PRKCA: variants seen among roughly 807,000 people sequenced by gnomAD.
The protein encoded by PRKCA is protein kinase C alpha.
Under a neutral mutation model 87.0 loss-of-function variants are expected in PRKCA, and 27 were observed. That is an observed-to-expected ratio of 0.31 (90% CI 0.23 to 0.43). PRKCA has a LOEUF of 0.43. PRKCA is among the 20% of genes least tolerant of loss of function. The probability of loss-of-function intolerance (pLI) is 1.00; values close to 1 mark genes in which losing one functional copy is unlikely to be tolerated. For synonymous variants in PRKCA, 329 were observed against 311.1 expected (o/e 1.06, Z -0.61); for missense variants, 518 against 852.3 (o/e 0.61, Z 4.88).
chr17:66,571,959 G>A (rs1171529990), intron 3 of PRKCA, among the ~76,000 whole-genome samples: 1 of 152,184 alleles, frequency 6.6e-6, no homozygotes, highest in Non-Finnish European at 1.5e-5. Context: ...ATTCCATCCA[G>A]TGTGCCACTC....
chr17:66,757,567 G>A (rs938706528), intron 13 of PRKCA, among the ~76,000 whole-genome samples: 2 of 120,822 alleles, frequency 1.7e-5, no homozygotes, highest in Admixed American at 8.5e-5. Context: ...TAAAGCTTTG[G>A]GAGGAAAAAA....
chr17:66,624,376 T>C (rs991357070), intron 3 of PRKCA, among the ~76,000 whole-genome samples: 1 of 152,156 alleles, frequency 6.6e-6, no homozygotes, highest in African/African-American at 2.4e-5. Context: ...TCTACTATTG[T>C]AGTACTTTGG....
chr17:66,733,381 G>T (rs1973952084), intron 9 of PRKCA, among the ~76,000 whole-genome samples: 1 of 152,206 alleles, frequency 6.6e-6, no homozygotes, highest in Non-Finnish European at 1.5e-5. Context: ...ATATTCAACA[G>T]GTTTGGGGGG....
intron 3 of PRKCA, among the ~76,000 whole-genome samples, chr17:66,605,107 C>G (rs1970169514): frequency 6.6e-6 from 1 of 152,146 alleles, no homozygotes; most frequent in African/African-American, 2.4e-5. Context: ...GTTTCATGTA[C>G]ACACGTGTGT....
At chr17:66,625,479 T>C (rs1337604057) in intron 3 of PRKCA, among the ~76,000 whole-genome samples, 1 of 152,242 alleles carries the variant, frequency 6.6e-6, no homozygotes, top group Non-Finnish European at 1.5e-5. Context: ...GGTATCTGTC[T>C]TTCTACTCCA....
chr17:66,346,528 C>T (rs1907382438), intron 2 of PRKCA, among the ~76,000 whole-genome samples: 2 of 151,748 alleles, frequency 1.3e-5, no homozygotes, highest in African/African-American at 4.8e-5. Flanking sequence ...TACAGGTTTG[C>T]GCCACTGTGC....
At chr17:66,504,427 T>G (rs1434697749) in intron 3 of PRKCA, among the ~76,000 whole-genome samples, 1 of 152,006 alleles carries the variant, frequency 6.6e-6, no homozygotes, top group Non-Finnish European at 1.5e-5. Flanking sequence ...ACCCCATCTC[T>G]ACTAAAAATA....
intron 2 of PRKCA, among the ~76,000 whole-genome samples, chr17:66,317,677 T>C (rs1905394919): frequency 6.6e-6 from 1 of 152,222 alleles, no homozygotes; most frequent in Admixed American, 6.5e-5. Flanking sequence ...TGGTGCTGTT[T>C]GTGATAATTG....
chr17:66,396,661 C>T (rs1327456798), intron 2 of PRKCA, among the ~76,000 whole-genome samples: 2 of 144,184 alleles, frequency 1.4e-5, no homozygotes, highest in African/African-American at 5.1e-5. Flanking sequence ...CAGAGTCTCG[C>T]TCTGTTGCCC....
At chr17:66,736,848 T>A (rs926281496) in intron 10 of PRKCA, among the ~76,000 whole-genome samples, 1 of 152,182 alleles carries the variant, frequency 6.6e-6, no homozygotes, top group Admixed American at 6.5e-5. Context: ...CACTCCTTCG[T>A]GTACCTGTCA....
intron 14 of PRKCA, among the ~76,000 whole-genome samples, chr17:66,781,883 A>AGTGTGTGTG (rs1300224706): frequency 7.7e-6 from 1 of 129,268 alleles, no homozygotes; most frequent in African/African-American, 3.3e-5. Context: ...ATATATATAT[A>AGTGTGTGTG]TATAGTGTGT....
At chr17:66,628,548 A>G (rs1365228474) in intron 3 of PRKCA, among the ~76,000 whole-genome samples, 2 of 152,168 alleles carry the variant, frequency 1.3e-5, no homozygotes, top group Non-Finnish European at 2.9e-5. Context: ...GTTAATGTGT[A>G]TATACTTCTT....
chr17:66,463,147 C>A (rs1426361009), intron 2 of PRKCA, among the ~76,000 whole-genome samples: 1 of 152,140 alleles, frequency 6.6e-6, no homozygotes, highest in Non-Finnish European at 1.5e-5. Flanking sequence ...CTGTTATCTT[C>A]TGTCACCGGG....
At chr17:66,580,361 G>C (rs934625759) in intron 3 of PRKCA, among the ~76,000 whole-genome samples, 3 of 152,198 alleles carry the variant, frequency 2.0e-5, no homozygotes, top group Admixed American at 6.5e-5. Context: ...TCCTTACTCA[G>C]ATCTCAGAGA....
chr17:66,504,371 C>G (rs1916878495), intron 3 of PRKCA, among the ~76,000 whole-genome samples: 1 of 152,114 alleles, frequency 6.6e-6, no homozygotes. Flanking sequence ...GGTGGATCAC[C>G]TGAGGTCAGG....
At chr17:66,605,358 G>A (rs552769330) in intron 3 of PRKCA, among the ~76,000 whole-genome samples, 61 of 152,266 alleles carry the variant, frequency 4.0e-4, no homozygotes, top group Non-Finnish European at 8.4e-4. Flanking sequence ...TTCCATGTTG[G>A]TGGGAATACA....
intron 2 of PRKCA, chr17:66,339,864 A>G (rs7216019): frequency 0.51 from 77,746 of 152,110 alleles, 23,347 homozygotes; most frequent in Non-Finnish European, 0.66. Context: ...GGAAATGGCA[A>G]CCAAGAAACC....
chr17:66,472,256 C>T (rs188807799), intron 2 of PRKCA, among the ~76,000 whole-genome samples: 1 of 152,130 alleles, frequency 6.6e-6, no homozygotes, highest in Non-Finnish European at 1.5e-5. Flanking sequence ...TTTACTATAA[C>T]CAATGAGGCA....
chr17:66,635,288 G>A (rs1203429500), intron 3 of PRKCA, among the ~76,000 whole-genome samples: 2 of 152,310 alleles, frequency 1.3e-5, no homozygotes, highest in African/African-American at 2.4e-5. Context: ...GTAGCTATCA[G>A]GAGACCTACT....
Sources: gnomAD v4.1 joint callset for allele counts (sites outside exome capture counted in the v4.1 genomes callset) on GRCh38, gnomAD v4.1.1 for gene constraint, MANE v1.5 for transcripts, NCBI Gene and HGNC (gene_info 2026-07-23, HGNC 2026-07-21) for gene names.